Variants in PCSK5 observed in about 807,000 individuals in gnomAD.
PCSK5 encodes the protein prohormone convertase 5.
Under a neutral mutation model 233.2 loss-of-function variants are expected in PCSK5, and 129 were observed. The ratio of observed to expected loss-of-function variants is 0.55; its 90% confidence interval spans 0.48 to 0.64. The LOEUF is 0.64. Among genes scored for constraint, PCSK5 ranks in the 30% least tolerant of loss-of-function variants. The pLI is 0.00. For synonymous variants in PCSK5, 825 were observed against 879.2 expected, an observed-to-expected ratio of 0.94 and a Z score of 1.09; for missense variants, 2,076 against 2,430.1, an observed-to-expected ratio of 0.85 and a Z score of 3.06.
chr9:76,343,102 A>G (rs1829879944), intron 35 of PCSK5, among the ~76,000 whole-genome samples: 1 of 151,872 alleles, frequency 6.6e-6, no homozygotes, highest in Non-Finnish European at 1.5e-5. Flanking sequence ...TGATCTCTTT[A>G]TACAACAAAT....
intron 24 of PCSK5, among the ~76,000 whole-genome samples, chr9:76,266,676 C>G (rs1827342802): frequency 6.6e-6 from 1 of 152,178 alleles, no homozygotes; most frequent in Admixed American, 6.5e-5. Context: ...ATTGCCTCAT[C>G]ACCAAGAATA....
chr9:76,313,046 C>T (rs1411183521), intron 30 of PCSK5, among the ~76,000 whole-genome samples: 1 of 152,166 alleles, frequency 6.6e-6, no homozygotes, highest in African/African-American at 2.4e-5. Context: ...GTGCTAAGGG[C>T]TGTAAATGTA....
At chr9:76,244,330 A>T (rs1232388443) in intron 24 of PCSK5, among the ~76,000 whole-genome samples, 2 of 152,224 alleles carry the variant, frequency 1.3e-5, no homozygotes, top group Non-Finnish European at 2.9e-5. Context: ...TTTTAAAGAG[A>T]TAAATACAAA....
intron 5 of PCSK5, among the ~76,000 whole-genome samples, chr9:76,048,087 A>G (rs1469099511): frequency 6.6e-6 from 1 of 152,072 alleles, no homozygotes; most frequent in Non-Finnish European, 1.5e-5. Context: ...CTGATCTCAC[A>G]CTTCTGAATC....
intron 7 of PCSK5, among the ~76,000 whole-genome samples, chr9:76,089,605 T>C (rs143065008): frequency 2.6e-5 from 4 of 152,388 alleles, no homozygotes; most frequent in African/African-American, 9.6e-5. Flanking sequence ...TATATGCTAC[T>C]ATCTCTCTTA....
chr9:76,113,174 T>C (rs899481373), intron 9 of PCSK5, among the ~76,000 whole-genome samples: 6 of 152,142 alleles, frequency 3.9e-5, no homozygotes, highest in African/African-American at 1.4e-4. Flanking sequence ...CTCACCTGGC[T>C]AAAATAAAGA....
At chr9:76,118,053 C>G (rs1226070939) in intron 9 of PCSK5, among the ~76,000 whole-genome samples, 3 of 152,080 alleles carry the variant, frequency 2.0e-5, no homozygotes, top group African/African-American at 7.2e-5. Context: ...GAATTGACAT[C>G]TGATAGCCTC....
intron 35 of PCSK5, among the ~76,000 whole-genome samples, chr9:76,340,730 G>A (rs1465581240): frequency 6.6e-6 from 1 of 150,602 alleles, no homozygotes; most frequent in Non-Finnish European, 1.5e-5. Flanking sequence ...GCAATTTAGA[G>A]TTTATTGATC....
chr9:76,342,172 T>C (rs1397843708), intron 35 of PCSK5, among the ~76,000 whole-genome samples: 1 of 152,174 alleles, frequency 6.6e-6, no homozygotes, highest in African/African-American at 2.4e-5. Flanking sequence ...TTAAAGTAAA[T>C]GGGATGTCAG....
intron 24 of PCSK5, among the ~76,000 whole-genome samples, chr9:76,270,554 A>T (rs1452843044): frequency 1.3e-5 from 2 of 152,186 alleles, no homozygotes; most frequent in African/African-American, 2.4e-5. Flanking sequence ...TTGAAATAAA[A>T]ACTGCAGTGA....
chr9:76,187,626 G>A (rs1316790879), intron 17 of PCSK5, among the ~76,000 whole-genome samples: 1 of 152,108 alleles, frequency 6.6e-6, no homozygotes, highest in East Asian at 1.9e-4. Context: ...GCCTCCCGAA[G>A]TTCTGGGATT....
chr9:75,987,398 C>T (rs1826562854), intron 3 of PCSK5, among the ~76,000 whole-genome samples: 1 of 152,158 alleles, frequency 6.6e-6, no homozygotes, highest in Non-Finnish European at 1.5e-5. Context: ...TGTTTTTTAA[C>T]CTTCCCCATT....
chr9:75,970,924 A>C (rs1825791106), intron 2 of PCSK5, among the ~76,000 whole-genome samples: 3 of 152,052 alleles, frequency 2.0e-5, no homozygotes, highest in African/African-American at 7.2e-5. Context: ...ACGCCTGGAT[A>C]ACTTAATTTT....
intron 37 of PCSK5, among the ~76,000 whole-genome samples, chr9:76,357,084 TAAG>T (rs1830320394): frequency 6.6e-6 from 1 of 152,108 alleles, no homozygotes; most frequent in African/African-American, 2.4e-5. Context: ...GAAAAATGAA[TAAG>T]AAGTAAGAAA....
intron 27 of PCSK5, 102 bp from the exon 28 acceptor site, chr9:76,302,035 C>T: frequency 2.2e-6 from 1 of 447,166 alleles, no homozygotes; most frequent in Non-Finnish European, 4.1e-6. Context: ...CCACAGTATA[C>T]ACAGCAGACA....
intron 7 of PCSK5, among the ~76,000 whole-genome samples, chr9:76,075,739 G>A (rs1174308505): frequency 1.3e-5 from 2 of 152,184 alleles, no homozygotes; most frequent in Non-Finnish European, 2.9e-5. Context: ...AATTCCTTCA[G>A]TTAGCTGGCT....
intron 13 of PCSK5, among the ~76,000 whole-genome samples, chr9:76,171,144 A>G (rs1004673948): frequency 1.9e-4 from 29 of 152,256 alleles, no homozygotes; most frequent in African/African-American, 6.8e-4. Flanking sequence ...TAGAGAAAAC[A>G]TGCAGATTAT....
At chr9:75,908,387 T>G (rs1822503497) in intron 1 of PCSK5, among the ~76,000 whole-genome samples, 1 of 152,198 alleles carries the variant, frequency 6.6e-6, no homozygotes, top group African/African-American at 2.4e-5. Context: ...AGTAGAGCTA[T>G]TCCTTCCTCA....
chr9:75,905,778 C>T lies in PCSK5; in HGVS notation c.192+14405C>T, dbSNP rs531439212. Among the ~76,000 whole-genome samples, 158 of 152,184 alleles carry T rather than the reference C, an allele frequency of 1.0e-3. 1 individual carries two copies. Among genetic ancestry groups the T allele is most frequent in the Middle Eastern group, 3.4e-3 (1 of 294 alleles). On this transcript the variant is annotated intron_variant, in intron 1 of 37. Transcript: ENST00000674117. Reference sequence around the variant, plus strand: ...CTGTGCATGTGAGGGATCTAGGTTGCGTGCTCCTTATGAGAATCTAACTAA... The same window carrying T: ...CTGTGCATGTGAGGGATCTAGGTTGTGTGCTCCTTATGAGAATCTAACTAA...
Sources: allele counts gnomAD v4.1 joint callset (sites outside exome capture counted in the v4.1 genomes callset), GRCh38; gene constraint gnomAD v4.1.1; transcripts MANE v1.5; gene names NCBI Gene and HGNC (gene_info 2026-07-23, HGNC 2026-07-21).